PCDHGA4: variants seen among roughly 807,000 people sequenced by gnomAD.
PCDHGA4 encodes protocadherin gamma subfamily A, 4.
In PCDHGA4, 38 loss-of-function variants were observed where a neutral mutation model predicts 54.6. The ratio of observed to expected loss-of-function variants is 0.70; its 90% CI spans 0.54 to 0.91. The LOEUF (loss-of-function observed/expected upper bound fraction) is 0.91. PCDHGA4 is among the 40% of genes least tolerant of loss of function. The probability of loss-of-function intolerance (pLI) is 0.00; values close to 1 mark genes in which losing one functional copy is unlikely to be tolerated. For synonymous variants in PCDHGA4, 511 were observed against 512.9 expected (o/e 1.00, Z 0.05); for missense variants, 1,298 against 1,220.9 (o/e 1.06, Z -0.94).
Position 141,399,669 on chromosome 5 carries a change from C to T in PCDHGA4, c.2514+42048C>T, listed in dbSNP as rs2093861369. 1.9e-6 allele frequency: 3 copies of T among 1,613,524 alleles called. No individual in the cohort carries two copies. The African/African-American group carries it at 4.0e-5, about 22-fold the overall frequency. On this transcript the variant is annotated intron_variant, in intron 1 of 3. Coordinates refer to ENST00000571252, the MANE Select transcript of PCDHGA4 (RefSeq NM_018917.4). ...AAAGTGGGGTGGTGTTCGCGCAGCG[C>T]GCCTTTGACTACGAGCAGCTGCGCA...
intron 1 of PCDHGA4, among the ~76,000 whole-genome samples, chr5:141,456,135 G>A (rs1422353665): frequency 6.6e-6 from 1 of 152,052 alleles, no homozygotes; most frequent in Non-Finnish European, 1.5e-5. Context: ...CTGACCTCCT[G>A]ATCCGCCCGC....
rs774366625 is a variant in PCDHGA4, at chr5:141,384,613, T to A, written c.2514+26992T>A. On this transcript the variant is annotated intron_variant, in intron 1 of 3. Coordinates refer to ENST00000571252, the MANE Select transcript of PCDHGA4 (RefSeq NM_018917.4). ...GTACCCGGCCCTCCCCACAGATGGTTCTACTGGCATGGAGCTGGCACCCCG... is the reference window on the plus strand; with the variant it reads ...GTACCCGGCCCTCCCCACAGATGGTACTACTGGCATGGAGCTGGCACCCCG... The A allele has an allele frequency of 9.9e-6, 16 of 1,614,202 alleles. No homozygotes were observed. The Admixed American group carries it at 2.7e-4, about 27-fold the overall frequency.
At chr5:141,478,670 C>T (rs1413742587) in intron 1 of PCDHGA4, 28 of 1,551,664 alleles carry the variant, frequency 1.8e-5, no homozygotes, top group Non-Finnish European at 2.4e-5. Flanking sequence ...TTCACACTTT[C>T]AACTGGCCCT....
chr5:141,437,617 C>G (rs570138576), intron 1 of PCDHGA4, among the ~76,000 whole-genome samples: 1 of 152,220 alleles, frequency 6.6e-6, no homozygotes, highest in South Asian at 2.1e-4. Context: ...CTGCTTTATC[C>G]CCATATAAGA....
intron 1 of PCDHGA4, among the ~76,000 whole-genome samples, chr5:141,443,479 C>G (rs1285767691): frequency 6.6e-6 from 1 of 152,144 alleles, no homozygotes; most frequent in African/African-American, 2.4e-5. Context: ...GAATTAGACC[C>G]TGTCCCAAAA....
At chr5:141,488,031 A>G (rs1475176300) in intron 1 of PCDHGA4, among the ~76,000 whole-genome samples, 1 of 152,122 alleles carries the variant, frequency 6.6e-6, no homozygotes, top group Non-Finnish European at 1.5e-5. Context: ...CTAGGTTACC[A>G]TTTCCCAAGG....
chr5:141,404,860 T>G (rs3749769), intron 1 of PCDHGA4: 7 of 1,613,630 alleles, frequency 4.3e-6, no homozygotes, highest in Admixed American at 1.7e-5. Context: ...TAGATAGAGA[T>G]GCGCTCAAAC....
At chr5:141,469,259 A>G (rs1263722797) in intron 1 of PCDHGA4, among the ~76,000 whole-genome samples, 1 of 151,822 alleles carries the variant, frequency 6.6e-6, no homozygotes, top group Admixed American at 6.6e-5. Flanking sequence ...CTTGGGCAAC[A>G]GAGCAAGACC....
chr5:141,448,903 C>A (rs1460471063), intron 1 of PCDHGA4, among the ~76,000 whole-genome samples: 2 of 152,112 alleles, frequency 1.3e-5, no homozygotes, highest in Non-Finnish European at 2.9e-5. Context: ...CGAGATCGTG[C>A]CACTGCACTC....
intron 1 of PCDHGA4, among the ~76,000 whole-genome samples, chr5:141,456,729 C>T (rs1337183677): frequency 6.6e-6 from 1 of 152,158 alleles, no homozygotes; most frequent in Non-Finnish European, 1.5e-5. Context: ...CTTTGGGAGG[C>T]TGAGGCGGGA....
chr5:141,423,078 C>A (rs752144906), intron 1 of PCDHGA4: 1 of 1,613,990 alleles, frequency 6.2e-7, no homozygotes, highest in Admixed American at 1.7e-5. Context: ...AGCCGGGACT[C>A]TTCGCGGTGG....
At position 141,491,423 on chromosome 5, in the gene PCDHGA4, G is replaced by C; in HGVS notation, c.2515-3384G>C. On this transcript the variant is annotated intron_variant, in intron 1 of 3. Transcript: ENST00000571252. The surrounding 1 kb of genome is among the most constrained non-coding windows in gnomAD (Gnocchi z 6.9). ...AACGCAGACGGGGACGGGGGTGGAG[G>C]GCAGTGCTGCAGGCGCCAGGACTCA... 1 of 1,614,126 alleles carries C rather than the reference G, an allele frequency of 6.2e-7. No individual in the cohort carries two copies. Among genetic ancestry groups the C allele is most frequent in the South Asian group, 1.1e-5 (1 of 91,090 alleles).
rs1210499024 is a variant in PCDHGA4 at position 141,431,784 on chromosome 5, A to T, written c.2515-63023A>T. ...CTGATCACTGTTCTGGACGTGAACG[A>T]CAATGCCCCAGAAGTGGTCCTCACC... On this transcript the variant is annotated intron_variant, in intron 1 of 3. Transcript: ENST00000571252. This position sits in a 1 kb window ranked among gnomAD's most constrained non-coding sequence, Gnocchi z 4.8. The T allele has an allele frequency of 6.2e-7, 1 of 1,614,102 alleles. No homozygotes were observed. The highest frequency in any genetic ancestry group is 8.5e-7 in the Non-Finnish European group (1 of 1,180,030).
chr5:141,448,956 C>A (rs2098619571), intron 1 of PCDHGA4, among the ~76,000 whole-genome samples: 1 of 151,948 alleles, frequency 6.6e-6, no homozygotes, highest in Non-Finnish European at 1.5e-5. Context: ...AAAAAACAAA[C>A]AAACAAACAA....
At chr5:141,421,296 G>C in intron 1 of PCDHGA4, 1 of 1,613,444 alleles carries the variant, frequency 6.2e-7, no homozygotes, top group Non-Finnish European at 8.5e-7. Context: ...TCCTGGGGAC[G>C]CTGCGGGGGT....
At chr5:141,453,379 C>T (rs980792532) in intron 1 of PCDHGA4, among the ~76,000 whole-genome samples, 1 of 152,050 alleles carries the variant, frequency 6.6e-6, no homozygotes, top group Non-Finnish European at 1.5e-5. Context: ...AGTGATCCTC[C>T]TGCCTTAGCC....
chr5:141,482,103 A>C (rs34394498), intron 1 of PCDHGA4, among the ~76,000 whole-genome samples: 2 of 142,250 alleles, frequency 1.4e-5, no homozygotes, highest in Non-Finnish European at 3.0e-5. Flanking sequence ...AAAAAAAAAA[A>C]AATATCTAGA....
chr5:141,419,138 A>C, intron 1 of PCDHGA4: 1 of 1,613,920 alleles, frequency 6.2e-7, no homozygotes, highest in Non-Finnish European at 8.5e-7. Context: ...AGCCACAGAC[A>C]GGGGCAAGCC....
chr5:141,414,647 T>C (rs1369045439), intron 1 of PCDHGA4: 3 of 1,613,926 alleles, frequency 1.9e-6, no homozygotes, highest in South Asian at 2.2e-5. Flanking sequence ...AATGCCCAGA[T>C]TATTTACTCC....
Sources: allele counts gnomAD v4.1 joint callset (sites outside exome capture counted in the v4.1 genomes callset), GRCh38; gene constraint gnomAD v4.1.1; non-coding constraint Gnocchi (gnomAD v3.1); transcripts MANE v1.5; gene names NCBI Gene and HGNC (gene_info 2026-07-23, HGNC 2026-07-21).